The following LANCL3 variants were observed in gnomAD, a reference collection of about 807,000 sequenced individuals.
LANCL3 encodes lanC-like protein 3.
LANCL3 carries 19 observed loss-of-function variants against 26.5 expected under a neutral mutation model. The observed-to-expected ratio is 0.72, with a 90% CI of 0.50 to 1.05. The LOEUF (loss-of-function observed/expected upper bound fraction) is 1.05, where lower values mean the gene tolerates loss of function less well. Among genes scored for constraint, LANCL3 ranks in the 50% least tolerant of loss-of-function variants. The pLI is 0.00. For synonymous variants in LANCL3, 160 were observed against 166.6 expected (o/e 0.96, Z 0.30); for missense variants, 318 against 362.7 (o/e 0.88, Z 1.00).
At chrX:37,576,811 G>A (rs1445263258) in intron 1 of LANCL3, among the ~76,000 whole-genome samples, 2 of 112,410 alleles carry the variant, frequency 1.8e-5, no homozygotes, top group African/African-American at 3.2e-5. Flanking sequence ...TGGAGGCAGC[G>A]TCCTGGCTTA....
intron 1 of LANCL3, among the ~76,000 whole-genome samples, chrX:37,634,407 G>A (rs1416502465): frequency 3.5e-5 from 4 of 113,108 alleles, no homozygotes; most frequent in Non-Finnish European, 7.5e-5. Context: ...GTGAGGCAAT[G>A]CCTCGCCCTG....
Position 37,601,081 on chromosome X carries a change from C to A in LANCL3, c.573+28638C>A, listed in dbSNP as rs781972798. 3.6e-5 allele frequency among the ~76,000 whole-genome samples: 4 copies of A among 111,783 alleles called. No homozygotes were observed. In the Admixed American group the frequency reaches 3.8e-4, roughly 11 times the overall value. ...TCAAATTTATTTCCATCAGAAAATGCTGTTTGGTGGGGGAAGAGTTGTCAT... is the reference window on the plus strand; with the variant it reads ...TCAAATTTATTTCCATCAGAAAATGATGTTTGGTGGGGGAAGAGTTGTCAT... On this transcript the variant is annotated intron_variant, in intron 1 of 4. Coordinates refer to ENST00000378619, the MANE Select transcript of LANCL3 (RefSeq NM_001170331.2).
intron 1 of LANCL3, among the ~76,000 whole-genome samples, chrX:37,586,154 G>A (rs1212449006): frequency 4.5e-5 from 5 of 112,100 alleles, no homozygotes; most frequent in African/African-American, 1.6e-4. Flanking sequence ...TAGAGTTTCT[G>A]CCGAGAGATC....
intron 3 of LANCL3, among the ~76,000 whole-genome samples, chrX:37,666,609 T>C (rs991652402): frequency 8.9e-6 from 1 of 111,826 alleles, no homozygotes; most frequent in Non-Finnish European, 1.9e-5. Context: ...GGAAAATCAT[T>C]TCTATTAATA....
At chrX:37,634,214 C>T (rs891896163) in intron 1 of LANCL3, among the ~76,000 whole-genome samples, 1 of 112,594 alleles carries the variant, frequency 8.9e-6, no homozygotes, top group African/African-American at 3.2e-5. Flanking sequence ...AGCAAGACTC[C>T]GTGGACGTAG....
chrX:37,650,086 G>A (rs1556428296), intron 1 of LANCL3, among the ~76,000 whole-genome samples: 2 of 109,667 alleles, frequency 1.8e-5, no homozygotes, highest in African/African-American at 6.7e-5. Context: ...CAGATCGCCC[G>A]AGGTCAGGAA....
intron 1 of LANCL3, among the ~76,000 whole-genome samples, chrX:37,622,028 T>C (rs1236202721): frequency 9.0e-6 from 1 of 111,484 alleles, no homozygotes. Flanking sequence ...TCCTCTACCA[T>C]TGTTTTACCT....
chrX:37,597,503 C>T (rs1924463798), intron 1 of LANCL3, among the ~76,000 whole-genome samples: 1 of 109,984 alleles, frequency 9.1e-6, no homozygotes, highest in Non-Finnish European at 1.9e-5. Flanking sequence ...TTTCTCCATA[C>T]CCTCACCAAC....
At chrX:37,590,892 T>C (rs1556418838) in intron 1 of LANCL3, among the ~76,000 whole-genome samples, 1 of 111,919 alleles carries the variant, frequency 8.9e-6, no homozygotes, top group Non-Finnish European at 1.9e-5. Context: ...TTTTAACAAG[T>C]TCCCAGTGAT....
intron 1 of LANCL3, among the ~76,000 whole-genome samples, chrX:37,647,260 G>A (rs1347062366): frequency 9.0e-6 from 1 of 111,126 alleles, no homozygotes; most frequent in Admixed American, 9.6e-5. Context: ...CTTGCAGTGA[G>A]CTGAGATCAT....
chrX:37,586,701 A>C lies in LANCL3; in HGVS notation c.573+14258A>C, dbSNP rs782142750. 1.9e-4 allele frequency among the ~76,000 whole-genome samples: 21 copies of C among 111,452 alleles called. No homozygotes were observed. In the East Asian group the frequency reaches 5.4e-3, roughly 28 times the overall value. On this transcript the variant is annotated intron_variant, in intron 1 of 4. Coordinates refer to ENST00000378619, the MANE Select transcript of LANCL3 (RefSeq NM_001170331.2). Reference sequence around the variant, plus strand: ...GTTGTTCTAGTTAGCCATTCATCTAATCTTCTTTCAAGGTTTTAAACTTCT... The same window carrying C: ...GTTGTTCTAGTTAGCCATTCATCTACTCTTCTTTCAAGGTTTTAAACTTCT...
At chrX:37,620,189 T>C (rs1347471720) in intron 1 of LANCL3, among the ~76,000 whole-genome samples, 1 of 111,921 alleles carries the variant, frequency 8.9e-6, no homozygotes, top group African/African-American at 3.2e-5. Context: ...TTTTCTCCTC[T>C]GTGTAGACTC....
intron 2 of LANCL3, among the ~76,000 whole-genome samples, 186 bp from the exon 3 acceptor site, chrX:37,659,276 G>C (rs1926358743): frequency 8.9e-6 from 1 of 112,690 alleles, no homozygotes; most frequent in Non-Finnish European, 1.9e-5. Context: ...CTGGCAGTGA[G>C]CCATATTTGG....
chrX:37,579,388 C>T (rs1274082070), intron 1 of LANCL3, among the ~76,000 whole-genome samples: 2 of 111,410 alleles, frequency 1.8e-5, no homozygotes, highest in Admixed American at 9.6e-5. Flanking sequence ...TAGTACTAAA[C>T]GCTATATATA....
At chrX:37,668,597 T>G (rs1346214193) in intron 4 of LANCL3, 5 of 195,388 alleles carry the variant, frequency 2.6e-5, no homozygotes, top group Non-Finnish European at 5.1e-5. Flanking sequence ...TAACCATGAA[T>G]GGTTACAAAA....
intron 2 of LANCL3, among the ~76,000 whole-genome samples, chrX:37,656,185 A>G (rs1926279344): frequency 9.1e-6 from 1 of 110,489 alleles, no homozygotes; most frequent in African/African-American, 3.3e-5. Flanking sequence ...GAAGTTTTTA[A>G]TAGTAGTGTG....
chrX:37,657,293 A>C (rs1556431228), intron 2 of LANCL3, among the ~76,000 whole-genome samples: 1 of 112,609 alleles, frequency 8.9e-6, no homozygotes, highest in Non-Finnish European at 1.9e-5. Flanking sequence ...CTGAATGTTG[A>C]GTGTAGATGA....
rs1416144784 is a variant in LANCL3 at position 37,571,947 on chromosome X, C to T, written c.77C>T (p.Ala26Val). The T allele has an allele frequency of 4.2e-6, 5 of 1,203,681 alleles. No individual in the cohort carries two copies. The highest frequency in any genetic ancestry group is 1.7e-5 in the African/African-American group (1 of 57,266). Residue 26 changes from alanine to valine, a missense_variant, in exon 1 of 5, where the codon GCG becomes GTG. Ala to Val is a moderately conservative substitution (Grantham distance 64). Transcript: ENST00000378619. The part of the protein sequence containing the change: ...GSLLAGQCEE[A>V]VAPLVTATIE... ...CTGCTGGCGGGCCAGTGTGAGGAGG[C>T]GGTGGCGCCCTTGGTCACCGCCACC...
intron 1 of LANCL3, among the ~76,000 whole-genome samples, chrX:37,605,893 A>G (rs1330617935): frequency 1.8e-5 from 2 of 111,615 alleles, no homozygotes; most frequent in Non-Finnish European, 3.8e-5. Flanking sequence ...TATACTAGAC[A>G]GCTTGTTCAT....
Sources: allele counts gnomAD v4.1 joint callset (sites outside exome capture counted in the v4.1 genomes callset), GRCh38; gene constraint gnomAD v4.1.1; transcripts MANE v1.5; gene names NCBI Gene and HGNC (gene_info 2026-07-23, HGNC 2026-07-21).